GRIK2: variants seen among roughly 807,000 people sequenced by gnomAD.
GRIK2 encodes the protein glutamate receptor ionotropic, kainate 2.
A neutral mutation model predicts 100.3 loss-of-function variants in GRIK2; 32 were observed. That is an observed-to-expected ratio of 0.32 (90% CI 0.24 to 0.43). The LOEUF (loss-of-function observed/expected upper bound fraction) is 0.43. GRIK2 is among the 20% of genes least tolerant of loss of function. The probability of loss-of-function intolerance (pLI) is 1.00; values close to 1 mark genes in which losing one functional copy is unlikely to be tolerated. For missense variants in GRIK2, 843 were observed against 1,114.9 expected (o/e 0.76, Z 3.47); for synonymous variants, 417 against 389.4 (o/e 1.07, Z -0.83).
chr6:101,788,267 G>A (rs2128405838), intron 7 of GRIK2, among the ~76,000 whole-genome samples: 1 of 151,324 alleles, frequency 6.6e-6, no homozygotes, highest in Admixed American at 6.6e-5. Context: ...GTGCAGGTTA[G>A]TTACATATGT....
At chr6:101,463,444 G>A (rs2128253065) in intron 2 of GRIK2, among the ~76,000 whole-genome samples, 1 of 152,224 alleles carries the variant, frequency 6.6e-6, no homozygotes, top group East Asian at 1.9e-4. Flanking sequence ...TGGTTGGAAT[G>A]AAAGGAACTG....
At chr6:101,754,315 G>C (rs957101416) in intron 7 of GRIK2, among the ~76,000 whole-genome samples, 2 of 152,152 alleles carry the variant, frequency 1.3e-5, no homozygotes, top group Non-Finnish European at 1.5e-5. Flanking sequence ...AAGGCAATAT[G>C]TGCCTGAGAT....
chr6:101,515,493 C>A (rs935263712), intron 2 of GRIK2, among the ~76,000 whole-genome samples: 1 of 152,070 alleles, frequency 6.6e-6, no homozygotes, highest in Non-Finnish European at 1.5e-5. Flanking sequence ...AAGCTCCACA[C>A]GGTTTTCTAT....
At chr6:101,721,442 C>T (rs911604750) in intron 7 of GRIK2, among the ~76,000 whole-genome samples, 7 of 151,480 alleles carry the variant, frequency 4.6e-5, no homozygotes, top group African/African-American at 1.7e-4. Flanking sequence ...TCCTGTAGTC[C>T]CAGCTACTTG....
At chr6:101,547,285 A>T (rs1479291904) in intron 2 of GRIK2, among the ~76,000 whole-genome samples, 2 of 151,392 alleles carry the variant, frequency 1.3e-5, no homozygotes, top group East Asian at 3.9e-4. Context: ...AACCTATAAT[A>T]GTCTGTGCAT....
chr6:102,053,508 T>C (rs1356811567), intron 15 of GRIK2, among the ~76,000 whole-genome samples: 1 of 152,178 alleles, frequency 6.6e-6, no homozygotes, highest in Non-Finnish European at 1.5e-5. Flanking sequence ...ATGCAAACAT[T>C]TGCTGAGAGC....
intron 14 of GRIK2, among the ~76,000 whole-genome samples, chr6:101,972,547 G>T (rs1641065447): frequency 6.6e-6 from 1 of 151,800 alleles, no homozygotes; most frequent in Non-Finnish European, 1.5e-5. Context: ...TATTCTGTAG[G>T]TTGTCTGTTT....
chr6:101,877,888 T>G (rs1324795390), intron 11 of GRIK2, among the ~76,000 whole-genome samples: 1 of 151,514 alleles, frequency 6.6e-6, no homozygotes, highest in East Asian at 1.9e-4. Flanking sequence ...GTAGAATGAC[T>G]TGGGAATCAG....
At chr6:101,884,030 A>T (rs1786447134) in intron 11 of GRIK2, among the ~76,000 whole-genome samples, 1 of 152,126 alleles carries the variant, frequency 6.6e-6, no homozygotes, top group Admixed American at 6.6e-5. Context: ...GACCAGTTGG[A>T]GTCCATTGTA....
chr6:101,454,169 G>A (rs993144290), intron 2 of GRIK2, among the ~76,000 whole-genome samples: 5 of 151,856 alleles, frequency 3.3e-5, no homozygotes, highest in Admixed American at 6.6e-5. Flanking sequence ...TCTTTGATTG[G>A]TATCATCATC....
chr6:101,415,520 G>A (rs1464588716), intron 2 of GRIK2, among the ~76,000 whole-genome samples: 3 of 151,678 alleles, frequency 2.0e-5, no homozygotes, highest in South Asian at 4.2e-4. Flanking sequence ...ACAGGCGCCC[G>A]CCACCACACC....
intron 2 of GRIK2, among the ~76,000 whole-genome samples, chr6:101,608,778 T>C (rs1268000816): frequency 6.7e-6 from 1 of 148,476 alleles, no homozygotes; most frequent in East Asian, 2.0e-4. Context: ...AAATCTCTCA[T>C]AGAGGGGTGT....
At chr6:101,951,585 C>T (rs2128479324) in intron 14 of GRIK2, among the ~76,000 whole-genome samples, 2 of 152,292 alleles carry the variant, frequency 1.3e-5, no homozygotes, top group East Asian at 3.9e-4. Flanking sequence ...CAAATCTCAT[C>T]TTGAATTGTA....
chr6:101,864,143 C>CAAAAAA (rs138911944), intron 11 of GRIK2, among the ~76,000 whole-genome samples: 2 of 85,850 alleles, frequency 2.3e-5, no homozygotes, highest in African/African-American at 9.5e-5. Context: ...GACTCCGTCT[C>CAAAAAA]AAAAAAAAAA....
intron 2 of GRIK2, among the ~76,000 whole-genome samples, chr6:101,425,466 C>T (rs534589235): frequency 2.6e-5 from 4 of 152,216 alleles, no homozygotes; most frequent in Admixed American, 6.5e-5. Context: ...TAAGACATCA[C>T]TCACAAGAGC....
At chr6:101,476,877 G>A (rs1297612432) in intron 2 of GRIK2, among the ~76,000 whole-genome samples, 1 of 152,110 alleles carries the variant, frequency 6.6e-6, no homozygotes, top group Non-Finnish European at 1.5e-5. Flanking sequence ...AAAGCAGTGG[G>A]ATCTTGGGTT....
chr6:101,703,694 A>G (rs1226179421), intron 7 of GRIK2, among the ~76,000 whole-genome samples: 2 of 151,788 alleles, frequency 1.3e-5, no homozygotes, highest in African/African-American at 4.8e-5. Flanking sequence ...GCATGTTTAT[A>G]TAGGTATAAA....
intron 14 of GRIK2, among the ~76,000 whole-genome samples, chr6:101,975,847 C>CTATCTATCTATT (rs1321099912): frequency 6.6e-6 from 1 of 151,574 alleles, no homozygotes; most frequent in Non-Finnish European, 1.5e-5. Context: ...ATCTATCTAT[C>CTATCTATCTATT]CCTCCATCCA....
At chr6:101,683,440 C>T (rs1448801620) in intron 6 of GRIK2, among the ~76,000 whole-genome samples, 1 of 152,102 alleles carries the variant, frequency 6.6e-6, no homozygotes. Context: ...ACACAATTTT[C>T]CCTTATAATG....
Sources: allele counts gnomAD v4.1 joint callset (sites outside exome capture counted in the v4.1 genomes callset), GRCh38; gene constraint gnomAD v4.1.1; transcripts MANE v1.5; gene names NCBI Gene and HGNC (gene_info 2026-07-23, HGNC 2026-07-21).